Variants in ASAP1 observed in about 807,000 individuals in gnomAD.
The protein encoded by ASAP1 is ArfGAP with SH3 domain, ankyrin repeat and PH domain 1.
ASAP1 carries 43 observed loss-of-function variants against 145.2 expected under a neutral mutation model. That is an observed-to-expected ratio of 0.30 (90% CI 0.23 to 0.38). The LOEUF (loss-of-function observed/expected upper bound fraction) is 0.38, where lower values mean the gene tolerates loss of function less well. Ranked by LOEUF, ASAP1 falls within the 10% of genes least tolerant of loss-of-function variation. The pLI is 1.00. For synonymous variants in ASAP1, 546 were observed against 515.5 expected (o/e 1.06, Z -0.80); for missense variants, 1,018 against 1,355.3 (o/e 0.75, Z 3.91).
At chr8:130,320,658 TA>T (rs1823945886) in intron 3 of ASAP1, among the ~76,000 whole-genome samples, 1 of 152,004 alleles carries the variant, frequency 6.6e-6, no homozygotes, top group Non-Finnish European at 1.5e-5. Context: ...ATGAAAATTA[TA>T]ACCAACCTAG....
chr8:130,059,084 C>A (rs562602424), intron 28 of ASAP1, among the ~76,000 whole-genome samples: 1 of 152,094 alleles, frequency 6.6e-6, no homozygotes, highest in African/African-American at 2.4e-5. Context: ...CCATCAGACA[C>A]GGCAGCCTCC....
At chr8:130,367,566 G>A (rs765056534) in intron 2 of ASAP1, among the ~76,000 whole-genome samples, 2 of 152,136 alleles carry the variant, frequency 1.3e-5, no homozygotes, top group Non-Finnish European at 2.9e-5. Context: ...CTTTTCCTCA[G>A]CCAAATAATT....
At chr8:130,420,560 G>T (rs752009975) in intron 1 of ASAP1, among the ~76,000 whole-genome samples, 1 of 152,144 alleles carries the variant, frequency 6.6e-6, no homozygotes, top group Non-Finnish European at 1.5e-5. Context: ...AACCAAGTGT[G>T]GTACAGCCAT....
At chr8:130,099,727 G>A (rs2097525439) in intron 24 of ASAP1, among the ~76,000 whole-genome samples, 1 of 140,120 alleles carries the variant, frequency 7.1e-6, no homozygotes, top group African/African-American at 2.7e-5. Flanking sequence ...GTGTCGTCCA[G>A]GCTGGAGTGC....
intron 26 of ASAP1, among the ~76,000 whole-genome samples, chr8:130,078,994 G>A (rs2097471682): frequency 6.6e-6 from 1 of 152,104 alleles, no homozygotes; most frequent in Non-Finnish European, 1.5e-5. Context: ...AGAAGTTCAA[G>A]ACCAGCTTGG....
chr8:130,163,902 G>A (rs1035002117), intron 11 of ASAP1, among the ~76,000 whole-genome samples: 1 of 152,084 alleles, frequency 6.6e-6, no homozygotes, highest in African/African-American at 2.4e-5. Flanking sequence ...TCTTATTAAT[G>A]TATAAAATGT....
At chr8:130,432,607 T>C (rs1385057542) in intron 1 of ASAP1, among the ~76,000 whole-genome samples, 2 of 152,134 alleles carry the variant, frequency 1.3e-5, no homozygotes, top group Non-Finnish European at 2.9e-5. Flanking sequence ...TCCTTCCATT[T>C]TTCTGCTCTG....
At chr8:130,246,186 C>CG (rs1027084945) in intron 3 of ASAP1, among the ~76,000 whole-genome samples, 4 of 151,924 alleles carry the variant, frequency 2.6e-5, no homozygotes, top group South Asian at 4.2e-4. Flanking sequence ...CCTTCGCCCC[C>CG]CCATGGGAAA....
intron 3 of ASAP1, among the ~76,000 whole-genome samples, chr8:130,259,034 TG>T (rs775261746): frequency 6.6e-5 from 10 of 152,020 alleles, no homozygotes; most frequent in Non-Finnish European, 1.0e-4. Context: ...AATTTTTTGA[TG>T]GCTGGGGGTA....
In ASAP1 at chr8:130,350,557, CACT is replaced by C. The variant is rs145432268; in HGVS notation, c.186+7457_186+7459del. Among the ~76,000 whole-genome samples the C allele has an allele frequency of 5.0e-3, 759 of 152,294 alleles. 12 individuals are homozygous for C. The highest frequency in any genetic ancestry group is 0.018 in the African/African-American group (734 of 41,568). On this transcript the variant is annotated intron_variant, in intron 3 of 29. Transcript: ENST00000518721. ...CAGCAGAAGATGATTCGTCCTACACCACTGAGCTGATGCATTTCAGCCAAAATC... is the reference window on the plus strand; with the variant it reads ...CAGCAGAAGATGATTCGTCCTACACCGAGCTGATGCATTTCAGCCAAAATC...
At chr8:130,097,355 C>A (rs935891843) in intron 24 of ASAP1, among the ~76,000 whole-genome samples, 5 of 152,044 alleles carry the variant, frequency 3.3e-5, no homozygotes, top group Non-Finnish European at 7.4e-5. Flanking sequence ...GTCTTCTGAT[C>A]TGTTCTTCAC....
At chr8:130,222,451 T>C (rs906231536) in intron 4 of ASAP1, among the ~76,000 whole-genome samples, 5 of 152,198 alleles carry the variant, frequency 3.3e-5, no homozygotes, top group Admixed American at 6.5e-5. Flanking sequence ...AGTTGCTTTA[T>C]AGATAAGAAA....
intron 3 of ASAP1, among the ~76,000 whole-genome samples, chr8:130,355,655 A>C (rs899553862): frequency 6.6e-6 from 1 of 152,184 alleles, no homozygotes; most frequent in Non-Finnish European, 1.5e-5. Context: ...GTTAAGTCCC[A>C]TATTTTTAAA....
chr8:130,341,821 T>C (rs1309939183), intron 3 of ASAP1, among the ~76,000 whole-genome samples: 1 of 152,214 alleles, frequency 6.6e-6, no homozygotes, highest in Non-Finnish European at 1.5e-5. Flanking sequence ...TTTATTTATA[T>C]AATTATTTAT....
At position 130,223,605 on chromosome 8, in the gene ASAP1, T is replaced by C. The variant is rs1205347912; in HGVS notation, c.260-8904A>G. Among the ~76,000 whole-genome samples the C allele has an allele frequency of 4.6e-5, 7 of 152,118 alleles. 1 individual carries two copies. Among genetic ancestry groups the C allele is most frequent in the Admixed American group, 3.9e-4 (6 of 15,266 alleles). ...GCAATTTATACATCATCTCAGACTC[T>C]TGTCTTCTTAGCCATAGTAATACCT... On this transcript the variant is annotated intron_variant, in intron 4 of 29. Transcript: ENST00000518721.
At chr8:130,135,975 A>G (rs2097593713) in intron 14 of ASAP1, among the ~76,000 whole-genome samples, 1 of 152,316 alleles carries the variant, frequency 6.6e-6, no homozygotes, top group African/African-American at 2.4e-5. Context: ...ACTGCATCAG[A>G]AAGGTTTCAA....
At chr8:130,088,993 T>C (rs1296610482) in intron 25 of ASAP1, among the ~76,000 whole-genome samples, 1 of 152,160 alleles carries the variant, frequency 6.6e-6, no homozygotes, top group Non-Finnish European at 1.5e-5. Flanking sequence ...AGTATGACAC[T>C]TGAGTTCACC....
At chr8:130,304,874 AAAC>A (rs1328487165) in intron 3 of ASAP1, among the ~76,000 whole-genome samples, 5 of 152,200 alleles carry the variant, frequency 3.3e-5, no homozygotes, top group Non-Finnish European at 7.3e-5. Flanking sequence ...GGAAAACCCA[AAAC>A]AACAAAACTC....
In ASAP1 at chr8:130,217,312, GT is replaced by G. The variant is rs1040595048; in HGVS notation, c.260-2612del. On this transcript the variant is annotated intron_variant, in intron 4 of 29. Coordinates refer to ENST00000518721, the MANE Select transcript of ASAP1 (RefSeq NM_018482.4). ...TATCAAAGTCATATCTTTTTTTTTG[GT>G]TTTTTTTGGTCATATTTTTAAAGGC... is the stretch of plus-strand genomic sequence containing the variant. Among the ~76,000 whole-genome samples the G allele has an allele frequency of 4.7e-5, 7 of 150,482 alleles. No homozygotes were observed. In the East Asian group the frequency reaches 5.8e-4, roughly 12 times the overall value.
Sources: gnomAD v4.1 joint callset for allele counts (sites outside exome capture counted in the v4.1 genomes callset) on GRCh38, gnomAD v4.1.1 for gene constraint, MANE v1.5 for transcripts, NCBI Gene and HGNC (gene_info 2026-07-23, HGNC 2026-07-21) for gene names.